Variants in SCNN1B observed in about 807,000 individuals in gnomAD.
SCNN1B encodes sodium channel epithelial 1 subunit beta.
Under a neutral mutation model 65.3 loss-of-function variants are expected in SCNN1B, and 46 were observed. That is an observed-to-expected ratio of 0.70 (90% CI 0.56 to 0.90). SCNN1B has a LOEUF of 0.90. Ranked by LOEUF, SCNN1B falls within the 40% of genes least tolerant of loss-of-function variation. SCNN1B has a pLI of 0.00. For synonymous variants in SCNN1B, 349 were observed against 330.6 expected (o/e 1.06, Z -0.60); for missense variants, 751 against 830.5 (o/e 0.90, Z 1.18).
Position 23,352,912 on chromosome 16 carries a change from C to A in SCNN1B, c.423C>A (p.Asn141Lys), listed in dbSNP as rs772764924. The change falls in exon 3 of 13, where the codon AAC (asparagine) becomes AAA (lysine). Residue 141 changes from asparagine to lysine, a missense_variant. By Grantham distance (94) the Asn-to-Lys change is moderately conservative. Transcript: ENST00000343070. ...LSHANATRNL[N>K]FSIWNHTPLV... The stretch of plus-strand genomic sequence containing the variant: ...ATGCCAATGCCACCAGGAACCTGAA[C>A]TTCTCCATCTGGAACCACACACCCC... The A allele has an allele frequency of 4.0e-5, 64 of 1,614,086 alleles. No individual in the cohort carries two copies. The highest frequency in any genetic ancestry group is 5.3e-5 in the Non-Finnish European group (62 of 1,180,054).
chr16:23,325,044 C>A (rs17256755), intron 1 of SCNN1B, among the ~76,000 whole-genome samples: 25,668 of 152,128 alleles, frequency 0.17, 2,855 homozygotes, highest in African/African-American at 0.29. Flanking sequence ...GCAAACACAG[C>A]AATAAGACTC....
chr16:23,348,839 C>G lies in SCNN1B; in HGVS notation c.240C>G (p.Ser80Arg). Residue 80 changes from serine (S) to arginine (R), a missense_variant, in exon 2 of 13, where the codon AGC becomes AGG. Physicochemically the swap from Ser to Arg is moderately radical, Grantham distance 110. Coordinates refer to ENST00000343070, the MANE Select transcript of SCNN1B (RefSeq NM_000336.3). This position sits in a 1 kb window ranked among gnomAD's most constrained non-coding sequence, Gnocchi z 4.5. The stretch of plus-strand genomic sequence containing the variant: ...GGACCTACTTGAGCTGGGAGGTCAG[C>G]GTCTCCCTCTCCGTAGGCTTCAAGA... ...FIRTYLSWEVSVSLSVGFKTM... is the reference protein window; with the variant it reads ...FIRTYLSWEVRVSLSVGFKTM... The G allele has an allele frequency of 6.2e-7, 1 of 1,614,146 alleles. No individual in the cohort carries two copies. Among genetic ancestry groups the G allele is most frequent in the Non-Finnish European group, 8.5e-7 (1 of 1,180,018 alleles).
chr16:23,350,267 C>T lies in SCNN1B; in HGVS notation c.311+1357C>T, dbSNP rs117993160. Among the ~76,000 whole-genome samples, 1,109 of 152,194 alleles carry T rather than the reference C, an allele frequency of 7.3e-3. 6 individuals are homozygous for T. The highest frequency in any genetic ancestry group is 0.01 in the Non-Finnish European group (683 of 68,016). Reference sequence around the variant, plus strand: ...AGGTTCAGAGAAGTAAGTGAGCTTGCCTGGAGATGCACAGTGGAAGACTGT... The same window carrying T: ...AGGTTCAGAGAAGTAAGTGAGCTTGTCTGGAGATGCACAGTGGAAGACTGT... On this transcript the variant is annotated intron_variant, in intron 2 of 12. Transcript: ENST00000343070.
chr16:23,350,104 C>G (rs1962277754), intron 2 of SCNN1B, among the ~76,000 whole-genome samples: 1 of 152,008 alleles, frequency 6.6e-6, no homozygotes, highest in South Asian at 2.1e-4. Context: ...ATAAATAAAA[C>G]CACTCTTCAA....
chr16:23,310,979 C>T (rs572620782), intron 1 of SCNN1B, among the ~76,000 whole-genome samples: 4 of 152,304 alleles, frequency 2.6e-5, no homozygotes, highest in Admixed American at 6.5e-5. Flanking sequence ...GGCCCAGCCT[C>T]GGATGAGGGA....
chr16:23,319,395 C>T (rs186267167), intron 1 of SCNN1B, among the ~76,000 whole-genome samples: 1 of 152,238 alleles, frequency 6.6e-6, no homozygotes, highest in Admixed American at 6.5e-5. Flanking sequence ...TGGCAGTCTG[C>T]ATACTATGGC....
intron 1 of SCNN1B, among the ~76,000 whole-genome samples, chr16:23,313,600 G>A (rs145886271): frequency 1.3e-4 from 20 of 152,186 alleles, no homozygotes; most frequent in African/African-American, 3.9e-4. Flanking sequence ...AATAAGCACC[G>A]ATTTTTGTGT....
chr16:23,338,025 T>C (rs186797076), intron 1 of SCNN1B, among the ~76,000 whole-genome samples: 178 of 152,254 alleles, frequency 1.2e-3, no homozygotes, highest in African/African-American at 4.2e-3. Flanking sequence ...TGAGCTGAGA[T>C]TGTGCCACTG....
rs1961827137 is a variant in SCNN1B, at chr16:23,332,206, TC to T, written c.-8-16385del. 4.0e-5 allele frequency among the ~76,000 whole-genome samples: 6 copies of T among 151,818 alleles called. No individual in the cohort carries two copies. In the South Asian group the frequency reaches 1.2e-3, roughly 32 times the overall value. The stretch of plus-strand genomic sequence containing the variant: ...ATCATGCCCAGCTCTTTTTTTTTTT[TC>T]TTTTTTGAGATGGAGTCTCGCTCTG... On this transcript the variant is annotated intron_variant, in intron 1 of 12. Coordinates refer to ENST00000343070, the MANE Select transcript of SCNN1B (RefSeq NM_000336.3).
Position 23,371,353 on chromosome 16 carries a change from C to T in SCNN1B, c.935C>T (p.Ser312Phe), listed in dbSNP as rs1450722471. The change falls in exon 6 of 13, where the codon TCC (serine) becomes TTC (phenylalanine). Residue 312 changes from serine to phenylalanine, a missense_variant. Coordinates refer to ENST00000343070, the MANE Select transcript of SCNN1B (RefSeq NM_000336.3). The stretch of plus-strand genomic sequence containing the variant: ...GAAGACTACGTCCCCTTCCTTGCGT[C>T]CACGGCCGGGGTCAGGCTGATGCTT... ...GQEDYVPFLASTAGVRLMLHE... is the reference protein window; with the variant it reads ...GQEDYVPFLAFTAGVRLMLHE... 3 of 1,614,156 alleles carry T rather than the reference C, an allele frequency of 1.9e-6. No homozygotes were observed. The East Asian group carries it at 6.7e-5, about 36-fold the overall frequency.
At chr16:23,366,814 G>A (rs1024416536) in intron 4 of SCNN1B, among the ~76,000 whole-genome samples, 6 of 152,168 alleles carry the variant, frequency 3.9e-5, no homozygotes, top group South Asian at 2.1e-4. Context: ...ATAAGCCACC[G>A]CTCCCAACCT....
At position 23,375,821 on chromosome 16, in the gene SCNN1B, G is replaced by A. The variant is rs1484719847; in HGVS notation, c.1236G>A (p.Glu412=). 1 of 1,613,822 alleles carries A rather than the reference G, an allele frequency of 6.2e-7. No individual in the cohort carries two copies. The highest frequency in any genetic ancestry group is 1.7e-5 in the Admixed American group (1 of 60,024). ...GHYLYPLPRG[E]KYCNNRDFPD... is the part of the protein sequence containing the mutation. ...ACCTGTACCCACTGCCCCGTGGGGAGAAATACTGCAACAACCGGGACTTCC... is the reference window on the plus strand; with the variant it reads ...ACCTGTACCCACTGCCCCGTGGGGAAAAATACTGCAACAACCGGGACTTCC... The change falls in exon 8 of 13, where the codon GAG becomes GAA. Residue 412 remains glutamate, a synonymous_variant. Transcript: ENST00000343070.
chr16:23,351,640 T>C (rs780561867), intron 2 of SCNN1B, among the ~76,000 whole-genome samples: 3 of 152,220 alleles, frequency 2.0e-5, no homozygotes, highest in African/African-American at 4.8e-5. Flanking sequence ...AGAGTTGGCA[T>C]TTGTGGCCTC....
At position 23,348,953 on chromosome 16, in the gene SCNN1B, G is replaced by C; in HGVS notation, c.311+43G>C. ...GCACAGCTGGCCTCAGCAGACAGGC[G>C]GTTCTCTTTCTCTCTTTTCTTCCCT... is the stretch of plus-strand genomic sequence containing the variant. On this transcript the variant is annotated intron_variant, in intron 2 of 12. Coordinates refer to ENST00000343070, the MANE Select transcript of SCNN1B (RefSeq NM_000336.3). This position sits in a 1 kb window ranked among gnomAD's most constrained non-coding sequence, Gnocchi z 4.5. 6.5e-7 allele frequency: 1 copy of C among 1,531,480 alleles called. No homozygotes were observed. Among genetic ancestry groups the C allele is most frequent in the Non-Finnish European group, 9.0e-7 (1 of 1,105,480 alleles). The allele number at this position is 1,531,480 out of a possible 1,614,324, so 94.9% of individuals were successfully genotyped here.
At chr16:23,320,181 C>T (rs1881407702) in intron 1 of SCNN1B, among the ~76,000 whole-genome samples, 1 of 152,204 alleles carries the variant, frequency 6.6e-6, no homozygotes, top group Non-Finnish European at 1.5e-5. Context: ...GGTTCTGATG[C>T]CCTACTTGGA....
At position 23,355,393 on chromosome 16, in the gene SCNN1B, T is replaced by C; in HGVS notation, c.680T>C (p.Phe227Ser). The change falls in exon 4 of 13, where the codon TTT becomes TCT. Residue 227 changes from phenylalanine to serine, a missense_variant. Transcript: ENST00000343070. Reference sequence around the variant, plus strand: ...TACATCCTGCAGGCCACCAACATCTTTGCACAGGTGCCACAGCAGGAGCTA... The same window carrying C: ...TACATCCTGCAGGCCACCAACATCTCTGCACAGGTGCCACAGCAGGAGCTA... ...EWYILQATNI[F>S]AQVPQQELVE... The C allele has an allele frequency of 6.2e-7, 1 of 1,614,168 alleles. No homozygotes were observed. The highest frequency in any genetic ancestry group is 8.5e-7 in the Non-Finnish European group (1 of 1,180,028).
Position 23,380,312 on chromosome 16 carries a change from G to C in SCNN1B, c.1543-109G>C. 6.4e-7 allele frequency: 1 copy of C among 1,570,840 alleles called. No individual in the cohort carries two copies. Among genetic ancestry groups the C allele is most frequent in the Non-Finnish European group, 8.7e-7 (1 of 1,143,632 alleles). ...CAAGTTATTCCCCTGGGCCAAGATG[G>C]TCACCCCCTCCCGTTCCCACCCAAG... On this transcript the variant is annotated intron_variant, in intron 12 of 12. Coordinates refer to ENST00000343070, the MANE Select transcript of SCNN1B (RefSeq NM_000336.3). This position sits in a 1 kb window ranked among gnomAD's most constrained non-coding sequence, Gnocchi z 5.4.
chr16:23,314,706 A>G (rs2141988165), intron 1 of SCNN1B, among the ~76,000 whole-genome samples: 1 of 152,340 alleles, frequency 6.6e-6, no homozygotes, highest in African/African-American at 2.4e-5. Context: ...TCACAATGCC[A>G]GGAACCACCC....
Position 23,348,449 on chromosome 16 carries a change from A to G in SCNN1B, c.-8-143A>G, listed in dbSNP as rs1962232670. The G allele has an allele frequency of 1.5e-6, 1 of 662,228 alleles. No homozygotes were observed. Among genetic ancestry groups the G allele is most frequent in the Admixed American group, 2.9e-5 (1 of 34,804 alleles). 41.0% of individuals were successfully genotyped at this position (662,228 alleles called of 1,614,324 possible). A position where few individuals can be genotyped will look rare whatever the true frequency, so the allele number is the denominator to read the frequency against. On this transcript the variant is annotated intron_variant, in intron 1 of 12. Coordinates refer to ENST00000343070, the MANE Select transcript of SCNN1B (RefSeq NM_000336.3). This position sits in a 1 kb window ranked among gnomAD's most constrained non-coding sequence, Gnocchi z 4.5. ...AGCCAAAGGAAGGAAGAAAAGAAGG[A>G]AAAAAGGGAGGGAGGGAGGGGGGAG...
Sources: allele counts gnomAD v4.1 joint callset (sites outside exome capture counted in the v4.1 genomes callset), GRCh38; gene constraint gnomAD v4.1.1; non-coding constraint Gnocchi (gnomAD v3.1); transcripts MANE v1.5; gene names NCBI Gene and HGNC (gene_info 2026-07-23, HGNC 2026-07-21).